Variants in NUGGC observed in about 807,000 individuals in gnomAD.
NUGGC encodes the protein nuclear GTPase, germinal center associated, also known as nuclear GTPase SLIP-GC.
A neutral mutation model predicts 92.6 loss-of-function variants in NUGGC; 58 were observed. The ratio of observed to expected loss-of-function variants is 0.63; its 90% CI spans 0.51 to 0.78. The LOEUF is 0.78. NUGGC is among the 30% of genes least tolerant of loss of function. The pLI is 0.00. For missense variants in NUGGC, 925 were observed against 964.6 expected, an observed-to-expected ratio of 0.96 and a Z score of 0.54; for synonymous variants, 376 against 366.4, an observed-to-expected ratio of 1.03 and a Z score of -0.30.
intron 1 of NUGGC, among the ~76,000 whole-genome samples, chr8:28,077,000 A>G (rs1026386414): frequency 5.9e-5 from 9 of 152,208 alleles, no homozygotes; most frequent in African/African-American, 2.2e-4. Flanking sequence ...CTATATTGAT[A>G]TGACCACCTA....
intron 12 of NUGGC, among the ~76,000 whole-genome samples, chr8:28,042,736 G>C (rs932744251): frequency 6.6e-6 from 1 of 152,228 alleles, no homozygotes; most frequent in Admixed American, 6.5e-5. Context: ...ACAGCACAGA[G>C]AGCAAAACCC....
intron 11 of NUGGC, among the ~76,000 whole-genome samples, chr8:28,046,961 G>A (rs562340818): frequency 6.6e-6 from 1 of 151,700 alleles, no homozygotes; most frequent in South Asian, 2.1e-4. Flanking sequence ...GAACCAACAT[G>A]CCTGGCTTTT....
intron 12 of NUGGC, among the ~76,000 whole-genome samples, chr8:28,045,026 G>T (rs1000976709): frequency 1.3e-5 from 2 of 152,198 alleles, no homozygotes; most frequent in Non-Finnish European, 1.5e-5. Context: ...CTGCATTCTT[G>T]CCAGTGAAGA....
At chr8:28,035,491 C>T (rs934533387) in intron 13 of NUGGC, among the ~76,000 whole-genome samples, 2 of 152,188 alleles carry the variant, frequency 1.3e-5, no homozygotes, top group Non-Finnish European at 2.9e-5. Flanking sequence ...CTCGCTGGTG[C>T]TGGCTCCTGG....
chr8:28,030,946 T>A (rs956007476), intron 15 of NUGGC, among the ~76,000 whole-genome samples: 1 of 152,222 alleles, frequency 6.6e-6, no homozygotes, highest in Non-Finnish European at 1.5e-5. Flanking sequence ...CAAATTTTCA[T>A]ACAATTAAGG....
At position 28,065,905 on chromosome 8, in the gene NUGGC, A is replaced by T. The variant is rs1810428948; in HGVS notation, c.712-1174T>A. ...TTTAAAATAGAGCAGATACCGTAAG[A>T]GAGAAGCCCAGGAAAAGGCAGGGGC... is the stretch of plus-strand genomic sequence containing the variant. On this transcript the variant is annotated intron_variant, in intron 6 of 18. Coordinates refer to ENST00000413272, the MANE Select transcript of NUGGC (RefSeq NM_001010906.2). Among the ~76,000 whole-genome samples the T allele has an allele frequency of 2.0e-5, 3 of 152,238 alleles. No homozygotes were observed. In the South Asian group the frequency reaches 6.2e-4, roughly 31 times the overall value.
chr8:28,073,492 G>A (rs998774335), intron 2 of NUGGC, among the ~76,000 whole-genome samples: 7 of 152,050 alleles, frequency 4.6e-5, no homozygotes, highest in South Asian at 4.1e-4. Flanking sequence ...CCATCCCCTC[G>A]GAGTGAGGAA....
chr8:28,074,232 C>G, intron 2 of NUGGC, 136 bp downstream of exon 2: 1 of 670,672 alleles, frequency 1.5e-6, no homozygotes, highest in Non-Finnish European at 2.7e-6. Context: ...TTAAACTTGT[C>G]ACGAGAAAGC....
chr8:28,051,263 T>C (rs1454485201), intron 10 of NUGGC, among the ~76,000 whole-genome samples: 2 of 152,316 alleles, frequency 1.3e-5, no homozygotes, highest in East Asian at 3.9e-4. Flanking sequence ...GTTTTTTAAA[T>C]GCTAAAGGGA....
intron 13 of NUGGC, among the ~76,000 whole-genome samples, chr8:28,038,939 C>T (rs897032700): frequency 2.6e-5 from 4 of 152,112 alleles, no homozygotes; most frequent in African/African-American, 4.8e-5. Context: ...GATAAGGTAA[C>T]GTGCAGTATC....
At chr8:28,077,839 G>T (rs1810760674) in intron 1 of NUGGC, among the ~76,000 whole-genome samples, 1 of 152,224 alleles carries the variant, frequency 6.6e-6, no homozygotes, top group South Asian at 2.1e-4. Flanking sequence ...GTTGATAAGA[G>T]TCGTGGTCAT....
intron 17 of NUGGC, among the ~76,000 whole-genome samples, chr8:28,028,086 T>C (rs1233166454): frequency 6.6e-6 from 1 of 151,330 alleles, no homozygotes; most frequent in Admixed American, 6.6e-5. Context: ...AATCACAGAA[T>C]GGGAACACTC....
In NUGGC at chr8:28,041,041, G is replaced by T; in HGVS notation, c.1611+10C>A. On this transcript the variant is annotated intron_variant, in intron 13 of 18. Transcript: ENST00000413272. Reference sequence around the variant, plus strand: ...GGAATATCTGAGTTTTCCCTGGAAGGGTCACTCACCACCAAGCATGCTCTG... The same window carrying T: ...GGAATATCTGAGTTTTCCCTGGAAGTGTCACTCACCACCAAGCATGCTCTG... The T allele has an allele frequency of 6.3e-7, 1 of 1,593,296 alleles. No homozygotes were observed. The highest frequency in any genetic ancestry group is 8.6e-7 in the Non-Finnish European group (1 of 1,169,124).
rs147932926 is a variant in NUGGC at position 28,043,726 on chromosome 8, T to C, written c.1446+1801A>G. Among the ~76,000 whole-genome samples the C allele has an allele frequency of 2.8e-3, 431 of 152,316 alleles. 1 individual carries two copies. Among genetic ancestry groups the C allele is most frequent in the African/African-American group, 9.5e-3 (393 of 41,572 alleles). Reference sequence around the variant, plus strand: ...TTGATGGCAAAATGCCTTGTCCTAATGTTTGTAAAATACACCAACCTCACA... The same window carrying C: ...TTGATGGCAAAATGCCTTGTCCTAACGTTTGTAAAATACACCAACCTCACA... On this transcript the variant is annotated intron_variant, in intron 12 of 18. Transcript: ENST00000413272.
intron 7 of NUGGC, among the ~76,000 whole-genome samples, chr8:28,060,872 G>A (rs1810286747): frequency 1.3e-5 from 2 of 152,182 alleles, no homozygotes; most frequent in African/African-American, 2.4e-5. Context: ...TCTGCATCCT[G>A]TAACACCTGG....
At chr8:28,070,107 C>T in intron 3 of NUGGC, 145 bp downstream of exon 3, 2 of 1,438,104 alleles carry the variant, frequency 1.4e-6, no homozygotes, top group Non-Finnish European at 1.8e-6. Flanking sequence ...CATACCGCTA[C>T]AGAGACTTTG....
intron 14 of NUGGC, among the ~76,000 whole-genome samples, chr8:28,032,341 C>T (rs909670683): frequency 1.2e-4 from 18 of 152,164 alleles, no homozygotes; most frequent in East Asian, 3.8e-4. Flanking sequence ...TGGGCAACCA[C>T]GTGAAATGCC....
chr8:28,077,238 A>G (rs1346373081), intron 1 of NUGGC, among the ~76,000 whole-genome samples: 1 of 152,130 alleles, frequency 6.6e-6, no homozygotes, highest in South Asian at 2.1e-4. Flanking sequence ...GGGCTATAAC[A>G]TGAGTAAATA....
At chr8:28,064,878 C>T in intron 6 of NUGGC, 147 bp from the exon 7 acceptor site, 1 of 647,984 alleles carries the variant, frequency 1.5e-6, no homozygotes. Context: ...TCTGTAGGAC[C>T]TAGAACCTGA....
Sources: gnomAD v4.1 joint callset for allele counts (sites outside exome capture counted in the v4.1 genomes callset) on GRCh38, gnomAD v4.1.1 for gene constraint, MANE v1.5 for transcripts, NCBI Gene and HGNC (gene_info 2026-07-23, HGNC 2026-07-21) for gene names.